Variants in ARMCX4 observed in about 807,000 individuals in gnomAD.
ARMCX4 encodes armadillo repeat-containing X-linked protein 4.
In ARMCX4, 3 loss-of-function variants were observed where a neutral mutation model predicts 34.7. The ratio of observed to expected loss-of-function variants is 0.09; its 90% CI spans 0.04 to 0.22. The LOEUF is 0.22. ARMCX4 is among the 10% of genes least tolerant of loss of function. The pLI is 1.00. For synonymous variants in ARMCX4, 513 were observed against 632.8 expected, an observed-to-expected ratio of 0.81 and a Z score of 2.84; for missense variants, 1,448 against 1,720.8, an observed-to-expected ratio of 0.84 and a Z score of 2.81.
rs1334282055 is a variant in ARMCX4 at position 101,488,596 on chromosome X, C to G, written c.7C>G (p.Arg3Gly). 8.7e-7 allele frequency: 1 copy of G among 1,153,910 alleles called. No individual in the cohort carries two copies. The highest frequency in any genetic ancestry group is 1.1e-6 in the Non-Finnish European group (1 of 872,759). ...TTTTAGCAGGGGTGATTACATGGGC[C>G]GCATTCAGGAAGTGGGCTGGGTGAC... The part of the protein sequence containing the change: MG[R>G]IQEVGWVTAG... Residue 3 changes from arginine to glycine, a missense_variant, in exon 6 of 6, where the codon CGC becomes GGC. This residue lies in a region of ARMCX4 where 1,343 missense variants were observed against 1,540.7 expected (regional missense o/e 0.87). Transcript: ENST00000423738.
intron 11 of ARMCX4, among the ~76,000 whole-genome samples, chrX:101,531,177 G>GCTTC (rs1488367258): frequency 4.5e-5 from 5 of 111,605 alleles, no homozygotes; most frequent in African/African-American, 1.6e-4. Flanking sequence ...TGACTCATCT[G>GCTTC]CTTCCTTCCT....
intron 4 of ARMCX4, among the ~76,000 whole-genome samples, chrX:101,457,173 TATTG>T (rs1374901302): frequency 2.7e-5 from 3 of 112,164 alleles, no homozygotes; most frequent in Non-Finnish European, 5.6e-5. Context: ...ATCCCTGTGG[TATTG>T]ATTAACATAT....
At position 101,514,559 on chromosome X, in the gene ARMCX4, C is replaced by T. The variant is rs1003179284; in HGVS notation, c.*1780+3504C>T. On this transcript the variant is annotated intron_variant and NMD_transcript_variant, in intron 11 of 12. Transcript: ENST00000354842. The stretch of plus-strand genomic sequence containing the variant: ...CACTTGCTGTGAAGTAAGTTTCTTA[C>T]GAGAAGCAACGCTGTGTGGAATACC... Among the ~76,000 whole-genome samples, 60 of 111,960 alleles carry T rather than the reference C, an allele frequency of 5.4e-4. 1 individual carries two copies. The highest frequency in any genetic ancestry group is 5.3e-3 in the Admixed American group (56 of 10,578).
At chrX:101,530,518 A>T (rs893934293) in intron 11 of ARMCX4, among the ~76,000 whole-genome samples, 17 of 112,135 alleles carry the variant, frequency 1.5e-4, no homozygotes, top group African/African-American at 5.5e-4. Context: ...AAAGTGGTAT[A>T]TAAAAAAAAG....
At chrX:101,432,949 C>A (rs1603092850) in intron 2 of ARMCX4, among the ~76,000 whole-genome samples, 1 of 82,336 alleles carries the variant, frequency 1.2e-5, no homozygotes, top group Non-Finnish European at 2.4e-5. Flanking sequence ...TATATATACA[C>A]ACATGTATAC....
chrX:101,528,271 T>A (rs1556021182), intron 11 of ARMCX4, among the ~76,000 whole-genome samples: 1 of 111,781 alleles, frequency 8.9e-6, no homozygotes, highest in African/African-American at 3.3e-5. Context: ...AGGCCTTCGA[T>A]AAAATTCAAC....
At chrX:101,425,335 C>T (rs186405044) in intron 2 of ARMCX4, among the ~76,000 whole-genome samples, 12 of 109,108 alleles carry the variant, frequency 1.1e-4, no homozygotes, top group South Asian at 3.9e-4. Flanking sequence ...CATGGAATGA[C>T]GGGGCAGAAA....
At chrX:101,438,611 C>T (rs75135059) in intron 2 of ARMCX4, among the ~76,000 whole-genome samples, 1 of 111,085 alleles carries the variant, frequency 9.0e-6, no homozygotes, top group Non-Finnish European at 1.9e-5. Context: ...GTCTAAGTCT[C>T]TTTATAGGTC....
At chrX:101,480,175 C>T (rs180703530) in intron 4 of ARMCX4, among the ~76,000 whole-genome samples, 1,630 of 93,663 alleles carry the variant, frequency 0.017, 40 homozygotes, top group African/African-American at 0.062. Context: ...CACACACACA[C>T]ATATATATGC....
At chrX:101,521,066 G>C (rs1934844574) in intron 11 of ARMCX4, among the ~76,000 whole-genome samples, 1 of 108,363 alleles carries the variant, frequency 9.2e-6, no homozygotes, top group Non-Finnish European at 1.9e-5. Context: ...CGAGTAGCTG[G>C]GATTACAGAT....
chrX:101,499,800 A>G (rs1460362096), downstream of ARMCX4, among the ~76,000 whole-genome samples: 2 of 111,898 alleles, frequency 1.8e-5, no homozygotes, highest in East Asian at 5.6e-4. Context: ...AATACAACAT[A>G]ATGTCCTGGG....
At chrX:101,519,939 A>G (rs1402322423) in intron 11 of ARMCX4, among the ~76,000 whole-genome samples, 1 of 110,645 alleles carries the variant, frequency 9.0e-6, no homozygotes, top group Non-Finnish European at 1.9e-5. Context: ...GCATTTTTTT[A>G]TATACCTGTT....
At position 101,433,245 on chromosome X, in the gene ARMCX4, T is replaced by TACACGC. The variant is rs1569315574; in HGVS notation, n.165-10806_165-10805insCACGCA. Among the ~76,000 whole-genome samples, 2 of 28,430 alleles carry TACACGC rather than the reference T, an allele frequency of 7.0e-5. 1 individual carries two copies. Among genetic ancestry groups the TACACGC allele is most frequent in the South Asian group, 3.5e-3 (2 of 564 alleles). 24.7% of individuals were successfully genotyped at this position (28,430 alleles called of 115,157 possible). A position where few individuals can be genotyped will look rare whatever the true frequency, so the allele number is the denominator to read the frequency against. ...ATACATATATGTACACATATGTATATATACACACATATATACATATATGTA... is the reference window on the plus strand; with the variant it reads ...ATACATATATGTACACATATGTATATACACGCATACACACATATATACATATATGTA... On this transcript the variant is annotated intron_variant and non_coding_transcript_variant, in intron 2 of 3. Transcript: ENST00000430461.
In ARMCX4 at chrX:101,437,612, AT is replaced by A. The variant is rs782183001; in HGVS notation, n.165-6433del. Among the ~76,000 whole-genome samples the A allele has an allele frequency of 8.7e-4, 96 of 110,662 alleles. 1 individual carries two copies. The highest frequency in any genetic ancestry group is 2.7e-3 in the African/African-American group (82 of 30,434). On this transcript the variant is annotated intron_variant and non_coding_transcript_variant, in intron 2 of 3. Transcript: ENST00000430461. ...AAAAAATCAGCTCCTGGATTCATTG[AT>A]TTTTTTGAAGGGTTTTTGTGTCTCT...
At chrX:101,420,019 T>A (rs1408675127) in intron 2 of ARMCX4, among the ~76,000 whole-genome samples, 1 of 112,321 alleles carries the variant, frequency 8.9e-6, no homozygotes, top group Non-Finnish European at 1.9e-5. Flanking sequence ...AGACAGTGCT[T>A]CTAGTAGTAT....
intron 4 of ARMCX4, among the ~76,000 whole-genome samples, chrX:101,477,896 C>T (rs1004858620): frequency 2.7e-5 from 3 of 111,846 alleles, no homozygotes; most frequent in Non-Finnish European, 5.6e-5. Flanking sequence ...ATATGATAAT[C>T]TCAATAGGAA....
At chrX:101,471,337 TTTCTC>T (rs1210700883) in intron 4 of ARMCX4, among the ~76,000 whole-genome samples, 1 of 111,994 alleles carries the variant, frequency 8.9e-6, no homozygotes, top group Non-Finnish European at 1.9e-5. Context: ...AACTTTCAAT[TTTCTC>T]TTTTATTATT....
At chrX:101,446,265 C>A (rs913033971), downstream of ARMCX4, 1 of 111,183 alleles carries the variant, frequency 9.0e-6, no homozygotes, top group Non-Finnish European at 1.9e-5. Flanking sequence ...ATTTTTAGTC[C>A]CTTTTTAATG....
intron 11 of ARMCX4, among the ~76,000 whole-genome samples, chrX:101,523,848 T>C (rs1478116769): frequency 8.9e-6 from 1 of 112,277 alleles, no homozygotes; most frequent in Admixed American, 9.5e-5. Flanking sequence ...TAAAGCAACA[T>C]GTATAAATTT....
Sources: allele counts gnomAD v4.1 joint callset (sites outside exome capture counted in the v4.1 genomes callset), GRCh38; gene constraint gnomAD v4.1.1; regional missense constraint gnomAD v4.1.1; transcripts MANE v1.5; gene names NCBI Gene and HGNC (gene_info 2026-07-23, HGNC 2026-07-21).